NUDT3: variants seen among roughly 807,000 people sequenced by gnomAD.
The protein encoded by NUDT3 is diphosphoinositol polyphosphate phosphohydrolase 1.
A neutral mutation model predicts 23.6 loss-of-function variants in NUDT3; 9 were observed. The ratio of observed to expected loss-of-function variants is 0.38; its 90% CI spans 0.23 to 0.66. NUDT3 has a LOEUF of 0.66. Ranked by LOEUF, NUDT3 falls within the 30% of genes least tolerant of loss-of-function variation. NUDT3 has a pLI of 0.52. For missense variants in NUDT3, 172 were observed against 218.5 expected (o/e 0.79, Z 1.34); for synonymous variants, 86 against 82.6 (o/e 1.04, Z -0.22).
intron 4 of NUDT3, among the ~76,000 whole-genome samples, chr6:34,290,780 C>A (rs551906848): frequency 6.7e-6 from 1 of 148,370 alleles, no homozygotes; most frequent in Admixed American, 6.8e-5. Context: ...CACTGGACAT[C>A]AATTGTCTGT....
chr6:34,311,334 C>A (rs925958035), intron 2 of NUDT3, among the ~76,000 whole-genome samples: 1 of 152,104 alleles, frequency 6.6e-6, no homozygotes, highest in African/African-American at 2.4e-5. Context: ...ATTTAATTTA[C>A]ATTAGCACCT....
chr6:34,379,664 T>G (rs187278936), intron 1 of NUDT3, among the ~76,000 whole-genome samples: 293 of 152,076 alleles, frequency 1.9e-3, no homozygotes, highest in African/African-American at 6.8e-3. Context: ...TCCCACCTTG[T>G]CCTCCCAGGG....
chr6:34,365,868 C>CCCG, intron 1 of NUDT3, among the ~76,000 whole-genome samples: 1 of 152,166 alleles, frequency 6.6e-6, no homozygotes, highest in Admixed American at 6.5e-5. Flanking sequence ...ATGGTGAAAG[C>CCCG]TCGTCTCTAC....
chr6:34,299,913 A>T (rs552968133), intron 2 of NUDT3, among the ~76,000 whole-genome samples: 15,174 of 149,958 alleles, frequency 0.1, 852 homozygotes, highest in Non-Finnish European at 0.12. Context: ...AAAAAAAAAA[A>T]ATATTTTTTT....
At chr6:34,349,951 G>A (rs1294516524) in intron 1 of NUDT3, among the ~76,000 whole-genome samples, 1 of 150,198 alleles carries the variant, frequency 6.7e-6, no homozygotes, top group African/African-American at 2.5e-5. Context: ...TGAGCCAGGC[G>A]TGGTAGCGGG....
At position 34,357,530 on chromosome 6, in the gene NUDT3, C is replaced by T. The variant is rs372878268; in HGVS notation, c.100-15558G>A. On this transcript the variant is annotated intron_variant, in intron 1 of 4. Coordinates refer to ENST00000607016, the MANE Select transcript of NUDT3 (RefSeq NM_006703.4). ...TAGGGAGGCTGAGGTGGGAGGAGCGCCTGAGCCTGGGAGGCTGAGGCTGCA... is the reference window on the plus strand; with the variant it reads ...TAGGGAGGCTGAGGTGGGAGGAGCGTCTGAGCCTGGGAGGCTGAGGCTGCA... Among the ~76,000 whole-genome samples the T allele has an allele frequency of 5.6e-4, 85 of 151,858 alleles. 1 individual carries two copies. The highest frequency in any genetic ancestry group is 3.4e-3 in the Middle Eastern group (1 of 294).
intron 1 of NUDT3, among the ~76,000 whole-genome samples, chr6:34,360,794 G>GA (rs990903861): frequency 1.1e-4 from 17 of 150,982 alleles, no homozygotes; most frequent in African/African-American, 3.9e-4. Flanking sequence ...CCACAAGATG[G>GA]AAAAAAAATA....
At chr6:34,298,316 G>A (rs1005557028) in intron 2 of NUDT3, among the ~76,000 whole-genome samples, 1 of 152,084 alleles carries the variant, frequency 6.6e-6, no homozygotes, top group African/African-American at 2.4e-5. Flanking sequence ...AGCCATGACT[G>A]CACCACTGTA....
chr6:34,311,059 G>A (rs2113709535), intron 2 of NUDT3, among the ~76,000 whole-genome samples: 1 of 150,308 alleles, frequency 6.7e-6, no homozygotes, highest in East Asian at 1.9e-4. Context: ...TACAGAGTAA[G>A]TACAAAAAAC....
chr6:34,373,702 T>C (rs1390925552), intron 1 of NUDT3, among the ~76,000 whole-genome samples: 2 of 152,244 alleles, frequency 1.3e-5, no homozygotes, highest in African/African-American at 2.4e-5. Context: ...ACACACGCAC[T>C]GGTGCTGGGA....
chr6:34,281,357 CCT>C lies in NUDT3; in HGVS notation c.*7394_*7395del, dbSNP rs1303448281. 1.3e-5 allele frequency: 2 copies of C among 152,198 alleles called. No individual in the cohort carries two copies. Among genetic ancestry groups the C allele is most frequent in the African/African-American group, 2.4e-5 (1 of 41,448 alleles). 9.4% of individuals were successfully genotyped at this position (152,198 alleles called of 1,614,324 possible). On this transcript the variant is annotated 3_prime_UTR_variant, in exon 5 of 5. Transcript: ENST00000607016. ...AGATGCTACTACTGGCCTTCCACTT[CCT>C]CTCTCTGATACACCTAAGAAGGTGA...
In NUDT3 at chr6:34,297,718, TAAAAAA is replaced by T. The variant is rs200099331; in HGVS notation, c.211-2039_211-2034del. 2.7e-3 allele frequency among the ~76,000 whole-genome samples: 216 copies of T among 78,768 alleles called. 2 individuals carry two copies. The highest frequency in any genetic ancestry group is 8.1e-3 in the African/African-American group (169 of 20,882). 51.7% of individuals were successfully genotyped at this position (78,768 alleles called of 152,430 possible). The stretch of plus-strand genomic sequence containing the variant: ...TGCACATCACTACACCCGGCTAATG[TAAAAAA>T]AAAAAAATATATATATATATATATA... On this transcript the variant is annotated intron_variant, in intron 2 of 4. Transcript: ENST00000607016.
chr6:34,375,363 A>G (rs937246425), intron 1 of NUDT3, among the ~76,000 whole-genome samples: 7 of 152,180 alleles, frequency 4.6e-5, no homozygotes, highest in Non-Finnish European at 1.0e-4. Flanking sequence ...TTAAAAAATA[A>G]AAAATAAAAA....
At chr6:34,325,301 T>C (rs1436620076) in intron 2 of NUDT3, among the ~76,000 whole-genome samples, 1 of 152,222 alleles carries the variant, frequency 6.6e-6, no homozygotes. Context: ...CTCAAACTCC[T>C]GGGCTTAAGC....
intron 1 of NUDT3, among the ~76,000 whole-genome samples, chr6:34,375,462 T>C (rs1364676036): frequency 6.6e-6 from 1 of 152,226 alleles, no homozygotes; most frequent in Non-Finnish European, 1.5e-5. Flanking sequence ...AGGCCCACAA[T>C]TGTTTGTGAG....
intron 1 of NUDT3, among the ~76,000 whole-genome samples, chr6:34,391,955 C>A (rs1279935072): frequency 2.0e-5 from 3 of 152,228 alleles, no homozygotes; most frequent in African/African-American, 7.2e-5. Context: ...CGCACTCTTC[C>A]CAGCCCACTG....
At chr6:34,366,475 G>GGGAC (rs1764734480) in intron 1 of NUDT3, among the ~76,000 whole-genome samples, 1 of 71,706 alleles carries the variant, frequency 1.4e-5, no homozygotes, top group Non-Finnish European at 2.6e-5. Context: ...AGAGAGGGAA[G>GGGAC]GGAGGGAGGG....
rs539594348 is a variant in NUDT3 at position 34,281,387 on chromosome 6, G to C, written c.*7366C>G. 5 of 152,334 alleles carry C rather than the reference G, an allele frequency of 3.3e-5. No individual in the cohort carries two copies. Among genetic ancestry groups the C allele is most frequent in the Admixed American group, 1.3e-4 (2 of 15,308 alleles). 9.4% of individuals were successfully genotyped at this position (152,334 alleles called of 1,614,324 possible). On this transcript the variant is annotated 3_prime_UTR_variant, in exon 5 of 5. Coordinates refer to ENST00000607016, the MANE Select transcript of NUDT3 (RefSeq NM_006703.4). ...CTCTGATACACCTAAGAAGGTGAGA[G>C]ACACTAGCTTCAATTCCATTTTACA...
chr6:34,388,617 G>A (rs79312217), intron 1 of NUDT3, among the ~76,000 whole-genome samples: 59 of 152,192 alleles, frequency 3.9e-4, no homozygotes, highest in African/African-American at 1.1e-3. Flanking sequence ...AAGCACCCTA[G>A]AGATTATTCT....
Sources: allele counts gnomAD v4.1 joint callset (sites outside exome capture counted in the v4.1 genomes callset), GRCh38; gene constraint gnomAD v4.1.1; transcripts MANE v1.5; gene names NCBI Gene and HGNC (gene_info 2026-07-23, HGNC 2026-07-21).